The following VWA3B variants were observed in gnomAD, a reference collection of about 807,000 sequenced individuals.
VWA3B encodes von Willebrand factor A domain containing 3B, also known as von Willebrand factor A domain-containing protein 3B.
VWA3B carries 138 observed loss-of-function variants against 158.3 expected under a neutral mutation model. That is an observed-to-expected ratio of 0.87 (90% CI 0.76 to 1.00). The LOEUF is 1.00. Among genes scored for constraint, VWA3B ranks in the 50% least tolerant of loss-of-function variants. VWA3B has a pLI of 0.00. For synonymous variants in VWA3B, 596 were observed against 587.3 expected (o/e 1.01, Z -0.21); for missense variants, 1,555 against 1,565.1 (o/e 0.99, Z 0.11).
intron 26 of VWA3B, among the ~76,000 whole-genome samples, chr2:98,306,943 A>G (rs1690562907): frequency 6.6e-6 from 1 of 152,200 alleles, no homozygotes; most frequent in Admixed American, 6.5e-5. Context: ...CAACCTACTA[A>G]GTTCAGAGCT....
the VWA3B span, among the ~76,000 whole-genome samples, chr2:98,319,579 C>G: frequency 6.6e-6 from 1 of 152,012 alleles, no homozygotes; most frequent in Non-Finnish European, 1.5e-5. Context: ...AAGAGAAAAA[C>G]AAATTAAAAC....
intron 2 of VWA3B, among the ~76,000 whole-genome samples, chr2:98,115,295 G>A (rs558400304): frequency 3.7e-4 from 57 of 152,228 alleles, no homozygotes; most frequent in African/African-American, 1.4e-3. Flanking sequence ...GGCCTGTCGT[G>A]GGGTGGGGGA....
At chr2:98,322,338 CA>C in the VWA3B span, among the ~76,000 whole-genome samples, 1 of 152,044 alleles carries the variant, frequency 6.6e-6, no homozygotes, top group African/African-American at 2.4e-5. Flanking sequence ...GTCAAGGCAA[CA>C]AAAAACTATA....
chr2:98,134,634 G>C (rs549089872), intron 7 of VWA3B, among the ~76,000 whole-genome samples: 2 of 152,028 alleles, frequency 1.3e-5, no homozygotes, highest in African/African-American at 4.8e-5. Context: ...TCGATTGTTG[G>C]ATGAAGGTAC....
intron 22 of VWA3B, among the ~76,000 whole-genome samples, chr2:98,279,324 C>T (rs1574265973): frequency 6.6e-6 from 1 of 152,256 alleles, no homozygotes; most frequent in East Asian, 1.9e-4. Flanking sequence ...AAACTTAGAA[C>T]CAGGCTGTCT....
At chr2:98,229,962 T>C (rs559964897) in intron 15 of VWA3B, 88 bp from the exon 16 acceptor site, 1 of 1,404,652 alleles carries the variant, frequency 7.1e-7, no homozygotes, top group Non-Finnish European at 9.5e-7. Flanking sequence ...GTGTTCAACA[T>C]GAATGTATTG....
intron 4 of VWA3B, among the ~76,000 whole-genome samples, chr2:98,121,025 G>A (rs796143720): frequency 7.2e-5 from 11 of 152,252 alleles, no homozygotes; most frequent in African/African-American, 2.4e-4. Context: ...TGTTTTAAAG[G>A]ACTCATTATT....
At chr2:98,090,326 G>A (rs1391950022) in intron 1 of VWA3B, among the ~76,000 whole-genome samples, 1 of 152,180 alleles carries the variant, frequency 6.6e-6, no homozygotes, top group Non-Finnish European at 1.5e-5. Context: ...GGGATAAAAA[G>A]TGCTTGGGAT....
intron 13 of VWA3B, among the ~76,000 whole-genome samples, chr2:98,214,027 C>T (rs1683765320): frequency 6.6e-6 from 1 of 151,796 alleles, no homozygotes; most frequent in African/African-American, 2.4e-5. Context: ...CCTGTCTCTA[C>T]AAAAAACTTT....
At chr2:98,286,257 A>G (rs1689161532) in intron 22 of VWA3B, among the ~76,000 whole-genome samples, 2 of 152,104 alleles carry the variant, frequency 1.3e-5, no homozygotes, top group Admixed American at 6.6e-5. Context: ...GGAGACACCT[A>G]TTTATTTATT....
At chr2:98,216,652 A>C (rs896166511) in intron 13 of VWA3B, 8 of 465,250 alleles carry the variant, frequency 1.7e-5, no homozygotes, top group Non-Finnish European at 3.6e-5. Context: ...AGCAGAGGGA[A>C]TGGGGAAAGT....
chr2:98,253,016 T>A (rs1452272803), intron 20 of VWA3B, among the ~76,000 whole-genome samples: 1 of 152,188 alleles, frequency 6.6e-6, no homozygotes, highest in Non-Finnish European at 1.5e-5. Flanking sequence ...TATCACTAAT[T>A]TGATGTTTGT....
intron 22 of VWA3B, among the ~76,000 whole-genome samples, chr2:98,271,965 C>T (rs1688227242): frequency 6.6e-6 from 1 of 152,220 alleles, no homozygotes; most frequent in Admixed American, 6.5e-5. Flanking sequence ...AAACAGTTCT[C>T]TCAACCGGTG....
At position 98,188,016 on chromosome 2, in the gene VWA3B, G is replaced by T. The variant is rs747467523; in HGVS notation, c.1353G>T (p.Arg451Ser). Residue 451 changes from arginine (R) to serine (S), a missense_variant, in exon 10 of 28, where the codon AGG (arginine) becomes AGT (serine). By Grantham distance (110) the Arg-to-Ser change is moderately radical (BLOSUM62 -1). Coordinates refer to ENST00000477737, the MANE Select transcript of VWA3B (RefSeq NM_144992.5). ...CAGTCCATGCAAAATATTGCAGCAG[G>T]TTTGTCCATGCTCCCTGGAAGGATG... ...KKTVHAKYCSRFVHAPWKDGS... is the reference protein window; with the variant it reads ...KKTVHAKYCSSFVHAPWKDGS... 2.9e-5 allele frequency: 46 copies of T among 1,613,848 alleles called. No homozygotes were observed. Among genetic ancestry groups the T allele is most frequent in the Non-Finnish European group, 3.8e-5 (45 of 1,179,950 alleles).
the VWA3B span, among the ~76,000 whole-genome samples, chr2:98,318,968 C>T: frequency 1.3e-5 from 2 of 152,310 alleles, no homozygotes; most frequent in Admixed American, 6.5e-5. Flanking sequence ...AAAGTCAGCC[C>T]TCCATATTTA....
chr2:98,324,321 C>G, the VWA3B span, among the ~76,000 whole-genome samples: 1 of 152,160 alleles, frequency 6.6e-6, no homozygotes, highest in South Asian at 2.1e-4. Flanking sequence ...CACCACCACA[C>G]TCAGCTAATT....
intron 2 of VWA3B, among the ~76,000 whole-genome samples, chr2:98,100,255 C>T (rs1396246885): frequency 2.0e-5 from 3 of 152,224 alleles, no homozygotes; most frequent in African/African-American, 7.2e-5. Context: ...CTGGGCAAGT[C>T]TTCTGGTGTG....
chr2:98,223,217 A>G (rs1371054291), intron 14 of VWA3B, among the ~76,000 whole-genome samples: 2 of 151,994 alleles, frequency 1.3e-5, no homozygotes, highest in South Asian at 2.1e-4. Flanking sequence ...GATAGGTTCA[A>G]TAGTGAAGTG....
intron 7 of VWA3B, among the ~76,000 whole-genome samples, chr2:98,153,698 A>G (rs1219776496): frequency 6.6e-6 from 1 of 152,208 alleles, no homozygotes; most frequent in Non-Finnish European, 1.5e-5. Context: ...AGATTCTTTC[A>G]GAAGTCTCCT....
Sources: gnomAD v4.1 joint callset for allele counts (sites outside exome capture counted in the v4.1 genomes callset) on GRCh38, gnomAD v4.1.1 for gene constraint, MANE v1.5 for transcripts, NCBI Gene and HGNC (gene_info 2026-07-23, HGNC 2026-07-21) for gene names.